Variants in CKAP5 observed in about 807,000 individuals in gnomAD.
The protein encoded by CKAP5 is cytoskeleton associated protein 5.
Under a neutral mutation model 232.8 loss-of-function variants are expected in CKAP5, and 27 were observed. The observed-to-expected ratio is 0.12, with a 90% CI of 0.09 to 0.16. The LOEUF (loss-of-function observed/expected upper bound fraction) is 0.16, where lower values mean the gene tolerates loss of function less well. Among genes scored for constraint, CKAP5 ranks in the 10% least tolerant of loss-of-function variants. CKAP5 has a pLI of 1.00. For synonymous variants in CKAP5, 785 were observed against 841.1 expected, an observed-to-expected ratio of 0.93 and a Z score of 1.16; for missense variants, 1,838 against 2,424.7, an observed-to-expected ratio of 0.76 and a Z score of 5.08.
Position 46,809,497 on chromosome 11 carries a change from C to G in CKAP5, c.767G>C (p.Gly256Ala). ...TTGTGGCACCTCATCACCATCATCACCACCTTTAAGGAGAAAAACAACACA... is the reference window on the plus strand; with the variant it reads ...TTGTGGCACCTCATCACCATCATCAGCACCTTTAAGGAGAAAAACAACACA... ...QSAGGDAEGGGDDGDEVPQID... is the reference protein window; with the variant it reads ...QSAGGDAEGGADDGDEVPQID... Residue 256 changes from glycine to alanine, a missense_variant, in exon 7 of 44, where the codon GGT becomes GCT. Physicochemically the swap from Gly to Ala is moderately conservative, Grantham distance 60. This residue lies in a region of CKAP5 where 285 missense variants were observed against 300.0 expected (regional missense o/e 0.95). Transcript: ENST00000529230. The G allele has an allele frequency of 1.2e-6, 2 of 1,607,536 alleles. No homozygotes were observed. The highest frequency in any genetic ancestry group is 1.7e-6 in the Non-Finnish European group (2 of 1,175,008).
intron 27 of CKAP5, 148 bp downstream of exon 27, chr11:46,767,427 G>T: frequency 2.0e-6 from 1 of 504,170 alleles, no homozygotes; most frequent in Non-Finnish European, 3.4e-6. Flanking sequence ...TATTAAAAAT[G>T]AACCACAGAA....
intron 18 of CKAP5, among the ~76,000 whole-genome samples, chr11:46,781,659 CTGAT>C (rs1432739558): frequency 6.6e-6 from 1 of 152,178 alleles, no homozygotes; most frequent in African/African-American, 2.4e-5. Context: ...ATGCTCCTCT[CTGAT>C]TATCACAGCT....
rs772640663 is a variant in CKAP5, at chr11:46,809,498, C to T, written c.766G>A (p.Gly256Ser). Residue 256 changes from glycine (G) to serine (S), a missense_variant and splice_region_variant, in exon 7 of 44, where the codon GGT (glycine) becomes AGT (serine). By Grantham distance (56) the Gly-to-Ser change is moderately conservative. Coordinates refer to ENST00000529230, the MANE Select transcript of CKAP5 (RefSeq NM_001008938.4). ...QSAGGDAEGGGDDGDEVPQID... is the reference protein window; with the variant it reads ...QSAGGDAEGGSDDGDEVPQID... ...TGTGGCACCTCATCACCATCATCACCACCTTTAAGGAGAAAAACAACACAA... is the reference window on the plus strand; with the variant it reads ...TGTGGCACCTCATCACCATCATCACTACCTTTAAGGAGAAAAACAACACAA... The T allele has an allele frequency of 1.0e-5, 16 of 1,606,688 alleles. No homozygotes were observed. In the South Asian group the frequency reaches 1.8e-4, roughly 18 times the overall value.
chr11:46,750,708 G>T, intron 40 of CKAP5, 97 bp from the exon 41 acceptor site: 2 of 937,154 alleles, frequency 2.1e-6, no homozygotes, highest in East Asian at 2.6e-5. Context: ...CAAAATCTGG[G>T]CCTTATTGGT....
At chr11:46,773,548 C>CTT (rs906668092) in intron 24 of CKAP5, among the ~76,000 whole-genome samples, 2 of 140,384 alleles carry the variant, frequency 1.4e-5, no homozygotes, top group African/African-American at 5.3e-5. Context: ...TGCAACTGGA[C>CTT]TTTTTTTTTT....
intron 24 of CKAP5, among the ~76,000 whole-genome samples, chr11:46,775,946 C>T (rs764649316): frequency 2.6e-5 from 4 of 152,050 alleles, no homozygotes; most frequent in Non-Finnish European, 5.9e-5. Context: ...ATGTTCTGCA[C>T]ATGTATCCCA....
intron 28 of CKAP5, 29 bp downstream of exon 28, chr11:46,765,102 T>C (rs2065190362): frequency 6.3e-7 from 1 of 1,592,234 alleles, no homozygotes; most frequent in African/African-American, 1.4e-5. Flanking sequence ...CAAGCAAAAA[T>C]CTCCTGACGA....
chr11:46,810,000 C>A, intron 5 of CKAP5, 126 bp from the exon 6 acceptor site: 6 of 895,420 alleles, frequency 6.7e-6, no homozygotes, highest in Non-Finnish European at 9.8e-6. Context: ...GAGACAGAGT[C>A]TTACTCTGTC....
chr11:46,798,421 CAAAA>C (rs1046798423), intron 9 of CKAP5, among the ~76,000 whole-genome samples: 1 of 150,336 alleles, frequency 6.7e-6, no homozygotes, highest in East Asian at 1.9e-4. Context: ...CTAAAACAAA[CAAAA>C]AAAAATTAGC....
intron 24 of CKAP5, among the ~76,000 whole-genome samples, chr11:46,772,738 TTTTTTTTG>T (rs1300968096): frequency 2.0e-5 from 3 of 151,902 alleles, no homozygotes; most frequent in Non-Finnish European, 4.4e-5. Context: ...TTCCTCTTTT[TTTTTTTTG>T]TTTTTTTGTT....
Position 46,759,416 on chromosome 11 carries a change from G to A in CKAP5, c.4421C>T (p.Pro1474Leu). The stretch of plus-strand genomic sequence containing the variant: ...TCGGCGGACCATCTGGGCTGCCTCA[G>A]GATGCCCACTCATGCTTCGGGCTTG... ...LNQARSMSGH[P>L]EAAQMVRREF... Residue 1474 changes from proline (P) to leucine (L), a missense_variant, in exon 34 of 44, where the codon CCT becomes CTT. Coordinates refer to ENST00000529230, the MANE Select transcript of CKAP5 (RefSeq NM_001008938.4). The A allele has an allele frequency of 6.2e-7, 1 of 1,613,852 alleles. No individual in the cohort carries two copies. Among genetic ancestry groups the A allele is most frequent in the Non-Finnish European group, 8.5e-7 (1 of 1,179,930 alleles).
At chr11:46,797,083 G>T in intron 11 of CKAP5, 143 bp from the exon 12 acceptor site, 1 of 909,608 alleles carries the variant, frequency 1.1e-6, no homozygotes, top group Non-Finnish European at 1.6e-6. Context: ...TGTGCCAATT[G>T]ACAGTTACTC....
At chr11:46,793,000 CACAA>C (rs1195975145) in intron 13 of CKAP5, among the ~76,000 whole-genome samples, 1 of 152,144 alleles carries the variant, frequency 6.6e-6, no homozygotes, top group Non-Finnish European at 1.5e-5. Context: ...CTACACATTC[CACAA>C]ACAGATACCC....
chr11:46,749,188 C>G (rs926609515), intron 42 of CKAP5, among the ~76,000 whole-genome samples: 8 of 151,994 alleles, frequency 5.3e-5, no homozygotes, highest in African/African-American at 1.9e-4. Flanking sequence ...GGCATGGTGA[C>G]TCAAGCCTGT....
chr11:46,774,179 G>A (rs2065272251), intron 24 of CKAP5, among the ~76,000 whole-genome samples: 1 of 152,116 alleles, frequency 6.6e-6, no homozygotes, highest in Admixed American at 6.6e-5. Flanking sequence ...CAAAGTCTCA[G>A]GATACAAAAT....
At chr11:46,757,887 ATTTT>A (rs947880979) in intron 35 of CKAP5, among the ~76,000 whole-genome samples, 3 of 108,150 alleles carry the variant, frequency 2.8e-5, no homozygotes, top group Non-Finnish European at 3.9e-5. Context: ...CACCTGGCCT[ATTTT>A]TTTTTTTTTT....
Position 46,840,242 on chromosome 11 carries a change from T to C in CKAP5, c.-38+5978A>G, listed in dbSNP as rs564130894. On this transcript the variant is annotated intron_variant, in intron 1 of 43. Transcript: ENST00000529230. Reference sequence around the variant, plus strand: ...ATGTATTTTATTCAAGGACCAGAGCTGACCCCAGAGGGATTACAGAAACTA... The same window carrying C: ...ATGTATTTTATTCAAGGACCAGAGCCGACCCCAGAGGGATTACAGAAACTA... Among the ~76,000 whole-genome samples, 17 of 152,344 alleles carry C rather than the reference T, an allele frequency of 1.1e-4. No individual in the cohort carries two copies. The South Asian group carries it at 2.5e-3, about 22-fold the overall frequency.
rs189212546 is a variant in CKAP5, at chr11:46,843,552, A to G, written c.-38+2668T>C. Among the ~76,000 whole-genome samples the G allele has an allele frequency of 2.8e-3, 419 of 151,210 alleles. 2 individuals are homozygous for G. Among genetic ancestry groups the G allele is most frequent in the African/African-American group, 9.6e-3 (397 of 41,176 alleles). On this transcript the variant is annotated intron_variant, in intron 1 of 43. Coordinates refer to ENST00000529230, the MANE Select transcript of CKAP5 (RefSeq NM_001008938.4). Reference sequence around the variant, plus strand: ...TCGAGACCAGCCTGGGCAACAAGGCAAAACCCCATCGCTACAAAAACTAAA... The same window carrying G: ...TCGAGACCAGCCTGGGCAACAAGGCGAAACCCCATCGCTACAAAAACTAAA...
At chr11:46,816,863 T>C (rs1310618978) in intron 3 of CKAP5, among the ~76,000 whole-genome samples, 2 of 150,588 alleles carry the variant, frequency 1.3e-5, no homozygotes, top group African/African-American at 2.4e-5. Context: ...TCCCAGCACT[T>C]TGGGAGGCTG....
Sources: gnomAD v4.1 joint callset for allele counts (sites outside exome capture counted in the v4.1 genomes callset) on GRCh38, gnomAD v4.1.1 for gene constraint, gnomAD v4.1.1 regional missense constraint, MANE v1.5 for transcripts, NCBI Gene and HGNC (gene_info 2026-07-23, HGNC 2026-07-21) for gene names.